The following SMYD3 variants were observed in gnomAD, a reference collection of about 807,000 sequenced individuals.
SMYD3 encodes SET and MYND domain containing 3, also known as histone-lysine N-methyltransferase SMYD3.
SMYD3 carries 36 observed loss-of-function variants against 57.7 expected under a neutral mutation model. That is an observed-to-expected ratio of 0.62 (90% CI 0.48 to 0.82). SMYD3 has a LOEUF of 0.82. Among genes scored for constraint, SMYD3 ranks in the 40% least tolerant of loss-of-function variants. The pLI is 0.00. For synonymous variants in SMYD3, 211 were observed against 195.0 expected, an observed-to-expected ratio of 1.08 and a Z score of -0.68; for missense variants, 515 against 538.8, an observed-to-expected ratio of 0.96 and a Z score of 0.44.
At chr1:246,126,659 T>C (rs976639298) in intron 5 of SMYD3, among the ~76,000 whole-genome samples, 2 of 152,242 alleles carry the variant, frequency 1.3e-5, no homozygotes, top group African/African-American at 2.4e-5. Flanking sequence ...TATGTTTATG[T>C]GTATACTTAT....
intron 1 of SMYD3, among the ~76,000 whole-genome samples, chr1:246,472,263 A>G (rs1263818825): frequency 6.6e-6 from 1 of 152,180 alleles, no homozygotes; most frequent in Non-Finnish European, 1.5e-5. Context: ...AGAAGAAAAA[A>G]AAGAAAACAG....
At chr1:245,939,747 T>C (rs939226441) in intron 5 of SMYD3, among the ~76,000 whole-genome samples, 2 of 152,220 alleles carry the variant, frequency 1.3e-5, no homozygotes, top group Admixed American at 1.3e-4. Context: ...CTTCTCATGT[T>C]TTCCTCTCAG....
At chr1:245,845,697 C>T (rs2050630116) in intron 10 of SMYD3, among the ~76,000 whole-genome samples, 1 of 152,242 alleles carries the variant, frequency 6.6e-6, no homozygotes, top group African/African-American at 2.4e-5. Flanking sequence ...GCTCAATCCC[C>T]AGTGCATAAC....
At chr1:246,169,259 T>C (rs925743221) in intron 5 of SMYD3, among the ~76,000 whole-genome samples, 2 of 151,382 alleles carry the variant, frequency 1.3e-5, no homozygotes, top group South Asian at 2.1e-4. Context: ...CTGCAACGAA[T>C]AGATAGGATG....
chr1:246,055,656 G>A (rs2060139261), intron 5 of SMYD3, among the ~76,000 whole-genome samples: 1 of 152,102 alleles, frequency 6.6e-6, no homozygotes, highest in Admixed American at 6.5e-5. Flanking sequence ...TACATACAAT[G>A]CAATATTATT....
At chr1:246,257,080 C>CTT (rs2063908795) in intron 5 of SMYD3, among the ~76,000 whole-genome samples, 1 of 152,124 alleles carries the variant, frequency 6.6e-6, no homozygotes, top group Non-Finnish European at 1.5e-5. Flanking sequence ...TATGGCTGAA[C>CTT]ATGTGGTCAA....
intron 5 of SMYD3, among the ~76,000 whole-genome samples, chr1:246,029,673 G>GAAAAAAAAAAAAAAA (rs34698516): frequency 2.3e-5 from 2 of 88,152 alleles, no homozygotes; most frequent in Non-Finnish European, 2.6e-5. Flanking sequence ...CTCTGTCTCA[G>GAAAAAAAAAAAAAAA]AAAAAAAAAA....
intron 1 of SMYD3, among the ~76,000 whole-genome samples, chr1:246,408,150 G>A (rs1214977255): frequency 3.3e-5 from 5 of 151,882 alleles, no homozygotes; most frequent in Admixed American, 6.6e-5. Context: ...ATCACCTTAG[G>A]GGTTAAGATC....
chr1:246,295,597 A>G (rs1395105355), intron 5 of SMYD3, among the ~76,000 whole-genome samples: 1 of 152,196 alleles, frequency 6.6e-6, no homozygotes, highest in Non-Finnish European at 1.5e-5. Flanking sequence ...CTCTCAAGGA[A>G]AAAGTAAACT....
intron 5 of SMYD3, among the ~76,000 whole-genome samples, chr1:246,300,481 A>G (rs2064875171): frequency 6.6e-6 from 1 of 152,184 alleles, no homozygotes; most frequent in Non-Finnish European, 1.5e-5. Flanking sequence ...GAAAGCGGCC[A>G]GCAATGTTTA....
chr1:246,412,633 C>T (rs939647154), intron 1 of SMYD3, among the ~76,000 whole-genome samples: 21 of 151,368 alleles, frequency 1.4e-4, no homozygotes, highest in Non-Finnish European at 2.4e-4. Flanking sequence ...CCGAGGCAGG[C>T]GGATCATGAG....
intron 3 of SMYD3, 103 bp downstream of exon 3, chr1:246,335,264 G>A: frequency 2.0e-6 from 2 of 1,023,848 alleles, no homozygotes; most frequent in Non-Finnish European, 3.0e-6. Context: ...TATTGTGGTA[G>A]TCTGAAACTG....
chr1:245,790,354 T>C (rs1470985792), intron 10 of SMYD3, among the ~76,000 whole-genome samples: 1 of 152,186 alleles, frequency 6.6e-6, no homozygotes, highest in African/African-American at 2.4e-5. Flanking sequence ...CCCTACTTGC[T>C]AGATTAGTGG....
intron 5 of SMYD3, among the ~76,000 whole-genome samples, chr1:245,970,448 A>C (rs1185348655): frequency 6.6e-6 from 1 of 152,246 alleles, no homozygotes; most frequent in Non-Finnish European, 1.5e-5. Flanking sequence ...AACAAAAGCC[A>C]AAATTGACAA....
At chr1:246,005,444 C>A (rs915166390) in intron 5 of SMYD3, among the ~76,000 whole-genome samples, 1 of 152,226 alleles carries the variant, frequency 6.6e-6, no homozygotes, top group Non-Finnish European at 1.5e-5. Flanking sequence ...TGACCTTGGG[C>A]AACTTCCCTG....
chr1:246,074,913 TACACACACACACAC>T (rs60103366), intron 5 of SMYD3, among the ~76,000 whole-genome samples: 34 of 148,472 alleles, frequency 2.3e-4, no homozygotes, highest in African/African-American at 6.5e-4. Flanking sequence ...GCTAAAGCAA[TACACACACACACAC>T]ACACACACAC....
intron 10 of SMYD3, among the ~76,000 whole-genome samples, chr1:245,817,170 G>T (rs931156686): frequency 6.7e-6 from 1 of 149,860 alleles, no homozygotes; most frequent in African/African-American, 2.5e-5. Flanking sequence ...GAAGAGAGCA[G>T]TGGTTCTCCC....
intron 10 of SMYD3, among the ~76,000 whole-genome samples, chr1:245,766,008 T>C (rs944471458): frequency 3.9e-5 from 6 of 152,284 alleles, no homozygotes; most frequent in Middle Eastern, 3.4e-3. Context: ...TGAAATGTGA[T>C]ATAGAAACAC....
chr1:246,104,641 G>C (rs753781867), intron 5 of SMYD3, among the ~76,000 whole-genome samples: 4 of 151,290 alleles, frequency 2.6e-5, no homozygotes, highest in Non-Finnish European at 4.4e-5. Context: ...GGAAATGGGG[G>C]GAAAAATAAC....
Sources: allele counts gnomAD v4.1 joint callset (sites outside exome capture counted in the v4.1 genomes callset), GRCh38; gene constraint gnomAD v4.1.1; transcripts MANE v1.5; gene names NCBI Gene and HGNC (gene_info 2026-07-23, HGNC 2026-07-21).